Variants in AKAP6 observed in about 807,000 individuals in gnomAD.
The protein encoded by AKAP6 is A-kinase anchor protein 6.
Under a neutral mutation model 188.5 loss-of-function variants are expected in AKAP6, and 58 were observed. The ratio of observed to expected loss-of-function variants is 0.31; its 90% confidence interval spans 0.25 to 0.38. The LOEUF is 0.38. Ranked by LOEUF, AKAP6 falls within the 10% of genes least tolerant of loss-of-function variation. The probability of loss-of-function intolerance (pLI) is 1.00; values close to 1 mark genes in which losing one functional copy is unlikely to be tolerated. For missense variants in AKAP6, 2,710 were observed against 2,740.0 expected (o/e 0.99, Z 0.24); for synonymous variants, 989 against 998.6 (o/e 0.99, Z 0.18).
chr14:32,544,619 A>G (rs1006037501), intron 3 of AKAP6, among the ~76,000 whole-genome samples: 18 of 152,184 alleles, frequency 1.2e-4, no homozygotes, highest in Non-Finnish European at 2.9e-5. Flanking sequence ...AAGTTTGGAC[A>G]TTCATTAATT....
At chr14:32,816,321 T>G (rs1186638400) in intron 12 of AKAP6, among the ~76,000 whole-genome samples, 1 of 151,980 alleles carries the variant, frequency 6.6e-6, no homozygotes, top group Non-Finnish European at 1.5e-5. Flanking sequence ...GCCTCCAGAG[T>G]AGCTAGGACA....
At position 32,660,765 on chromosome 14, in the gene AKAP6, G is replaced by A. The variant is rs1311926909; in HGVS notation, c.2731-17546G>A. ...AAGGTTAGATGTTCACAGAGAATAT[G>A]GAAATGCTAATTAAACTGGGGTGAG... On this transcript the variant is annotated intron_variant, in intron 7 of 13. Transcript: ENST00000280979. 3.3e-5 allele frequency among the ~76,000 whole-genome samples: 5 copies of A among 151,986 alleles called. No homozygotes were observed. The East Asian group carries it at 7.7e-4, about 23-fold the overall frequency.
intron 13 of AKAP6, 86 bp from the exon 14 acceptor site, chr14:32,829,762 C>T (rs775259721): frequency 1.6e-6 from 1 of 610,976 alleles, no homozygotes; most frequent in African/African-American, 1.9e-5. Context: ...CAATTGCAGC[C>T]TTCAATGGTT....
intron 12 of AKAP6, among the ~76,000 whole-genome samples, chr14:32,793,741 G>A (rs1479291026): frequency 6.7e-6 from 1 of 149,498 alleles, no homozygotes; most frequent in Non-Finnish European, 1.5e-5. Flanking sequence ...AACCATCAAC[G>A]ATTAAAAAAG....
At chr14:32,633,565 C>G (rs144926045) in intron 7 of AKAP6, among the ~76,000 whole-genome samples, 63 of 152,132 alleles carry the variant, frequency 4.1e-4, no homozygotes, top group African/African-American at 1.4e-3. Context: ...TGAGCAGATG[C>G]TTTAGGAGCC....
chr14:32,510,379 T>G (rs1881119479), intron 2 of AKAP6, among the ~76,000 whole-genome samples: 1 of 59,094 alleles, frequency 1.7e-5, no homozygotes, highest in Non-Finnish European at 3.3e-5. Context: ...TATATATATG[T>G]GTATATATAT....
At chr14:32,788,923 A>G (rs2033519637) in intron 12 of AKAP6, among the ~76,000 whole-genome samples, 1 of 152,162 alleles carries the variant, frequency 6.6e-6, no homozygotes, top group African/African-American at 2.4e-5. Flanking sequence ...CTGGCTTGGA[A>G]TTCTAGCCAG....
At chr14:32,629,221 C>G (rs1247892040) in intron 7 of AKAP6, among the ~76,000 whole-genome samples, 1 of 152,008 alleles carries the variant, frequency 6.6e-6, no homozygotes, top group African/African-American at 2.4e-5. Context: ...AGTTGGTTGG[C>G]TGCCATTTAC....
At chr14:32,616,941 C>A (rs889360086) in intron 7 of AKAP6, 1 of 152,110 alleles carries the variant, frequency 6.6e-6, no homozygotes, top group Non-Finnish European at 1.5e-5. Context: ...GGGGCTTTGC[C>A]CTTTGCTCAC....
At chr14:32,589,006 C>T (rs150283161) in intron 5 of AKAP6, among the ~76,000 whole-genome samples, 19 of 152,260 alleles carry the variant, frequency 1.2e-4, no homozygotes, top group African/African-American at 4.3e-4. Flanking sequence ...TTTTTCATTG[C>T]TTGAAGTTAA....
At chr14:32,388,487 A>C (rs1230065286) in intron 1 of AKAP6, among the ~76,000 whole-genome samples, 1 of 152,048 alleles carries the variant, frequency 6.6e-6, no homozygotes, top group Non-Finnish European at 1.5e-5. Context: ...GTAGGTGTTT[A>C]GGGCTATGAA....
At chr14:32,682,757 G>A (rs1273223642) in intron 8 of AKAP6, among the ~76,000 whole-genome samples, 1 of 152,112 alleles carries the variant, frequency 6.6e-6, no homozygotes, top group Non-Finnish European at 1.5e-5. Context: ...GATTCAGTAG[G>A]CAGAAGAAGA....
Position 32,758,239 on chromosome 14 carries a change from G to A in AKAP6, c.3373-15439G>A, listed in dbSNP as rs181097021. 9.7e-4 allele frequency among the ~76,000 whole-genome samples: 148 copies of A among 152,230 alleles called. 2 individuals are homozygous for A. Among genetic ancestry groups the A allele is most frequent in the Non-Finnish European group, 2.8e-4 (19 of 68,012 alleles). On this transcript the variant is annotated intron_variant, in intron 11 of 13. Coordinates refer to ENST00000280979, the MANE Select transcript of AKAP6 (RefSeq NM_004274.5). ...CCGAAGAGAAGAAAACCAAATCTCTGATAAATTAAATGACTCACCCAGGAT... is the reference window on the plus strand; with the variant it reads ...CCGAAGAGAAGAAAACCAAATCTCTAATAAATTAAATGACTCACCCAGGAT...
intron 7 of AKAP6, among the ~76,000 whole-genome samples, chr14:32,619,772 T>G (rs908897260): frequency 2.6e-5 from 4 of 152,200 alleles, no homozygotes; most frequent in African/African-American, 9.6e-5. Context: ...AATATGGTCA[T>G]TTTCACAATA....
At chr14:32,716,635 G>A (rs2030219363) in intron 9 of AKAP6, among the ~76,000 whole-genome samples, 1 of 146,068 alleles carries the variant, frequency 6.8e-6, no homozygotes, top group African/African-American at 2.5e-5. Flanking sequence ...ATTATATAAT[G>A]TATATTAATT....
rs539300825 is a variant in AKAP6, at chr14:32,683,236, C to T, written c.2879+4777C>T. Among the ~76,000 whole-genome samples the T allele has an allele frequency of 2.6e-5, 4 of 152,206 alleles. No homozygotes were observed. The South Asian group carries it at 6.2e-4, about 24-fold the overall frequency. ...CTCGAACTCCTAACCTCAAGTGATT[C>T]ACCCACCTCAGCTCTCCAAAGTGCT... On this transcript the variant is annotated intron_variant, in intron 8 of 13. Coordinates refer to ENST00000280979, the MANE Select transcript of AKAP6 (RefSeq NM_004274.5).
At chr14:32,828,904 G>A (rs1274480944) in intron 13 of AKAP6, among the ~76,000 whole-genome samples, 1 of 151,952 alleles carries the variant, frequency 6.6e-6, no homozygotes, top group Non-Finnish European at 1.5e-5. Flanking sequence ...TTTTGTTAAG[G>A]TTTTTCTGGC....
intron 2 of AKAP6, among the ~76,000 whole-genome samples, chr14:32,502,931 A>G (rs916539482): frequency 6.6e-6 from 1 of 152,146 alleles, no homozygotes; most frequent in Non-Finnish European, 1.5e-5. Flanking sequence ...AAATGTAAAC[A>G]TATTGCATAC....
At chr14:32,778,711 AT>A (rs61493362) in intron 12 of AKAP6, among the ~76,000 whole-genome samples, 9 of 135,898 alleles carry the variant, frequency 6.6e-5, no homozygotes, top group Admixed American at 1.5e-4. Context: ...ATACCCAGCA[AT>A]TTTTTTTTTT....
Sources: gnomAD v4.1 joint callset for allele counts (sites outside exome capture counted in the v4.1 genomes callset) on GRCh38, gnomAD v4.1.1 for gene constraint, MANE v1.5 for transcripts, NCBI Gene and HGNC (gene_info 2026-07-23, HGNC 2026-07-21) for gene names.